UTP25: variants seen among roughly 807,000 people sequenced by gnomAD.
UTP25 encodes the protein U3 small nucleolar RNA-associated protein 25 homolog.
A neutral mutation model predicts 78.9 loss-of-function variants in UTP25; 50 were observed. The ratio of observed to expected loss-of-function variants is 0.63; its 90% CI spans 0.50 to 0.80. The LOEUF is 0.80. UTP25 is among the 30% of genes least tolerant of loss of function. The pLI is 0.00. For missense variants in UTP25, 846 were observed against 911.3 expected, an observed-to-expected ratio of 0.93 and a Z score of 0.92; for synonymous variants, 329 against 336.5, an observed-to-expected ratio of 0.98 and a Z score of 0.24.
chr1:209,845,828 C>T (rs1252398463), intron 11 of UTP25, among the ~76,000 whole-genome samples: 3 of 149,150 alleles, frequency 2.0e-5, no homozygotes, highest in South Asian at 2.1e-4. Context: ...TTAATTTGAC[C>T]TTAGAATAAG....
rs913531146 is a variant in UTP25, at chr1:209,851,760, A to C, written c.*313A>C. 8 of 214,802 alleles carry C rather than the reference A, an allele frequency of 3.7e-5. No homozygotes were observed. The highest frequency in any genetic ancestry group is 3.7e-4 in the Admixed American group (7 of 19,172). 13.3% of individuals were successfully genotyped at this position (214,802 alleles called of 1,614,324 possible). On this transcript the variant is annotated 3_prime_UTR_variant, in exon 12 of 12. Transcript: ENST00000491415. ...AATTCTTTTATTACGATTTACCTCTAATTTATTACACTTAGTAAATTCTTC... is the reference window on the plus strand; with the variant it reads ...AATTCTTTTATTACGATTTACCTCTCATTTATTACACTTAGTAAATTCTTC...
Position 209,851,194 on chromosome 1 carries a change from A to G in UTP25, c.2028-10A>G, listed in dbSNP as rs746410164. 5.6e-6 allele frequency: 9 copies of G among 1,606,154 alleles called. No individual in the cohort carries two copies. The highest frequency in any genetic ancestry group is 6.8e-6 in the Non-Finnish European group (8 of 1,176,782). The stretch of plus-strand genomic sequence containing the variant: ...AAGTTGACATAGCTCTTTCTTTCCA[A>G]TTCTGACAGGTATACAATAAAAGGC... On this transcript the variant is annotated splice_polypyrimidine_tract_variant and intron_variant, in intron 11 of 11. Coordinates refer to ENST00000491415, the MANE Select transcript of UTP25 (RefSeq NM_014388.7).
intron 6 of UTP25, 131 bp from the exon 7 acceptor site, chr1:209,838,778 C>A: frequency 1.0e-6 from 1 of 995,516 alleles, no homozygotes. Context: ...AAGCGGGTAA[C>A]ATAGGTATGT....
chr1:209,835,866 C>G (rs542438925), intron 5 of UTP25, among the ~76,000 whole-genome samples: 1 of 152,182 alleles, frequency 6.6e-6, no homozygotes, highest in African/African-American at 2.4e-5. Context: ...ATCTACCAGT[C>G]TTACTCAGAT....
rs373052117 is a variant in UTP25 at position 209,830,114 on chromosome 1, C to T, written c.114C>T (p.Ser38=). 2.7e-5 allele frequency: 44 copies of T among 1,611,400 alleles called. No homozygotes were observed. Among genetic ancestry groups the T allele is most frequent in the Non-Finnish European group, 3.6e-5 (42 of 1,178,526 alleles). The change falls in exon 2 of 12, where the codon TCC becomes TCT. Residue 38 remains serine (S), a synonymous_variant. Transcript: ENST00000491415. ...GEEHPFYDRV[S]RKEAKPQICQ... ...ATTGCCTGTTTCTTTTTAGGGTTTC[C>T]AGAAAGGAAGCAAAGCCACAGATTT...
At chr1:209,833,992 T>C (rs777506558) in intron 4 of UTP25, among the ~76,000 whole-genome samples, 19 of 152,212 alleles carry the variant, frequency 1.2e-4, no homozygotes, top group Non-Finnish European at 1.9e-4. Context: ...ATTGATCTCA[T>C]TGCCATTCTT....
intron 1 of UTP25, 56 bp downstream of exon 1, chr1:209,828,226 G>T: frequency 7.4e-7 from 1 of 1,348,270 alleles, no homozygotes; most frequent in Admixed American, 1.7e-5. Flanking sequence ...CTCGAGTTTG[G>T]TCCTCTGGTC....
intron 6 of UTP25, among the ~76,000 whole-genome samples, chr1:209,837,823 A>G (rs183865849): frequency 2.6e-5 from 4 of 152,328 alleles, no homozygotes; most frequent in African/African-American, 9.6e-5. Flanking sequence ...TTTTATCTAC[A>G]TTATTCATGA....
chr1:209,835,157 G>A lies in UTP25; in HGVS notation c.645G>A (p.Glu215=). The change falls in exon 5 of 12, where the codon GAG becomes GAA. Residue 215 remains glutamate (E), a synonymous_variant. Transcript: ENST00000491415. ...CCACAAATCCCAAAACTACCCACGA[G>A]CTTAAAGTAAGTGTTGCTTGGTCAT... The part of the protein sequence containing the change: ...AVATNPKTTH[E]LKWPILGQLF... 6.2e-7 allele frequency: 1 copy of A among 1,613,322 alleles called. No individual in the cohort carries two copies. The highest frequency in any genetic ancestry group is 8.5e-7 in the Non-Finnish European group (1 of 1,179,396).
At chr1:209,833,092 G>A (rs655712) in intron 3 of UTP25, 93 bp from the exon 4 acceptor site, 870,784 of 1,204,900 alleles carry the variant, frequency 0.72, 318,500 homozygotes, top group Non-Finnish European at 0.75. Flanking sequence ...ATCAATGAAC[G>A]CTATTGTTGG....
At chr1:209,851,000 G>A (rs1245797015) in intron 11 of UTP25, among the ~76,000 whole-genome samples, 1 of 152,098 alleles carries the variant, frequency 6.6e-6, no homozygotes, top group African/African-American at 2.4e-5. Context: ...CCAAATATTA[G>A]GAATTCGAAT....
rs555636372 is a variant in UTP25 at position 209,830,672 on chromosome 1, A to T, written c.148-131A>T. 56 of 1,411,936 alleles carry T rather than the reference A, an allele frequency of 4.0e-5. No individual in the cohort carries two copies. The African/African-American group carries it at 7.5e-4, about 19-fold the overall frequency. 87.5% of individuals were successfully genotyped at this position (1,411,936 alleles called of 1,614,324 possible). A position where few individuals can be genotyped will look rare whatever the true frequency, so the allele number is the denominator to read the frequency against. On this transcript the variant is annotated intron_variant, in intron 2 of 11. Transcript: ENST00000491415. ...GAGCATATGAAGAGCTTCTAGAATCATAGCTAGATTAGCAATTTTAAGTAA... is the reference window on the plus strand; with the variant it reads ...GAGCATATGAAGAGCTTCTAGAATCTTAGCTAGATTAGCAATTTTAAGTAA...
intron 4 of UTP25, 135 bp downstream of exon 4, chr1:209,833,493 A>G: frequency 2.7e-6 from 2 of 738,694 alleles, no homozygotes; most frequent in Non-Finnish European, 4.0e-6. Context: ...GCTGGGAAAA[A>G]TAATTCTAAA....
intron 7 of UTP25, 107 bp from the exon 8 acceptor site, chr1:209,840,746 C>A: frequency 9.6e-7 from 1 of 1,041,078 alleles, no homozygotes; most frequent in Non-Finnish European, 1.5e-6. Flanking sequence ...CTAAGAGGAA[C>A]AAAAGAGATG....
At chr1:209,847,286 A>G (rs1036839450) in intron 11 of UTP25, among the ~76,000 whole-genome samples, 5 of 152,250 alleles carry the variant, frequency 3.3e-5, no homozygotes, top group African/African-American at 1.2e-4. Context: ...TTAAGAGACT[A>G]ACAATAAACA....
In UTP25 at chr1:209,856,213, A is replaced by G. The variant is rs2078274743; in HGVS notation, c.*4766A>G. 1 of 152,248 alleles carries G rather than the reference A, an allele frequency of 6.6e-6. No individual in the cohort carries two copies. 9.4% of individuals were successfully genotyped at this position (152,248 alleles called of 1,614,324 possible). ...TAGAGGGACTGTGTGAGAAGGGAAGAGACTGCTATTGTTTGCCCTATATCC... is the reference window on the plus strand; with the variant it reads ...TAGAGGGACTGTGTGAGAAGGGAAGGGACTGCTATTGTTTGCCCTATATCC... On this transcript the variant is annotated 3_prime_UTR_variant, in exon 12 of 12. Transcript: ENST00000491415.
rs1298585575 is a variant in UTP25, at chr1:209,852,596, A to G, written c.*1149A>G. The G allele has an allele frequency of 6.6e-6, 1 of 152,142 alleles. No homozygotes were observed. Among genetic ancestry groups the G allele is most frequent in the Non-Finnish European group, 1.5e-5 (1 of 68,032 alleles). The allele number at this position is 152,142 out of a possible 1,614,324, so 9.4% of individuals were successfully genotyped here. A position where few individuals can be genotyped will look rare whatever the true frequency, so the allele number is the denominator to read the frequency against. On this transcript the variant is annotated 3_prime_UTR_variant, in exon 12 of 12. Transcript: ENST00000491415. ...AGCACCTTCAGGTTAGCCCCTGTGTACTTTTGACATGTCCCCCATCTACTT... is the reference window on the plus strand; with the variant it reads ...AGCACCTTCAGGTTAGCCCCTGTGTGCTTTTGACATGTCCCCCATCTACTT...
rs765039819 is a variant in UTP25, at chr1:209,851,331, G to A, written c.2155G>A (p.Val719Ile). The change falls in exon 12 of 12, where the codon GTT becomes ATT. Residue 719 changes from valine to isoleucine, a missense_variant. Transcript: ENST00000491415. ...RGEEATWTCTVLYSKYDAQRL... is the reference protein window; with the variant it reads ...RGEEATWTCTILYSKYDAQRL... ...AGAAGAGGCCACGTGGACCTGCACTGTTCTCTACTCCAAATATGATGCCCA... is the reference window on the plus strand; with the variant it reads ...AGAAGAGGCCACGTGGACCTGCACTATTCTCTACTCCAAATATGATGCCCA... The A allele has an allele frequency of 3.7e-6, 6 of 1,614,194 alleles. No individual in the cohort carries two copies. The Admixed American group carries it at 5.0e-5, about 13-fold the overall frequency.
chr1:209,848,750 T>C (rs941213680), intron 11 of UTP25, among the ~76,000 whole-genome samples: 8 of 152,356 alleles, frequency 5.3e-5, no homozygotes, highest in African/African-American at 1.9e-4. Context: ...ACTGATGTGA[T>C]AGTCAAAATG....
Sources: gnomAD v4.1 joint callset for allele counts (sites outside exome capture counted in the v4.1 genomes callset) on GRCh38, gnomAD v4.1.1 for gene constraint, MANE v1.5 for transcripts, NCBI Gene and HGNC (gene_info 2026-07-23, HGNC 2026-07-21) for gene names.